PDGFRA: variants seen among roughly 807,000 people sequenced by gnomAD.
PDGFRA encodes the protein platelet derived growth factor receptor alpha, also known as platelet-derived growth factor receptor alpha.
Under a neutral mutation model 121.5 loss-of-function variants are expected in PDGFRA, and 25 were observed. The ratio of observed to expected loss-of-function variants is 0.21; its 90% CI spans 0.15 to 0.29. PDGFRA has a LOEUF of 0.29. Ranked by LOEUF, PDGFRA falls within the 10% of genes least tolerant of loss-of-function variation. The probability of loss-of-function intolerance (pLI) is 1.00; values close to 1 mark genes in which losing one functional copy is unlikely to be tolerated. For synonymous variants in PDGFRA, 463 were observed against 494.8 expected (o/e 0.94, Z 0.85); for missense variants, 1,008 against 1,345.1 (o/e 0.75, Z 3.92).
intron 16 of PDGFRA, among the ~76,000 whole-genome samples, chr4:54,283,033 C>G (rs1166990315): frequency 6.6e-6 from 1 of 152,180 alleles, no homozygotes; most frequent in Non-Finnish European, 1.5e-5. Context: ...GGGTTTAGCC[C>G]CTGCAGCTGC....
At position 54,288,824 on chromosome 4, in the gene PDGFRA, G is replaced by A. The variant is rs2110344493; in HGVS notation, c.2700G>A (p.Met900Ile). The change falls in exon 20 of 23, where the codon ATG becomes ATA. Residue 900 changes from methionine (M) to isoleucine (I), a missense_variant. Physicochemically the swap from Met to Ile is conservative, Grantham distance 10 (BLOSUM62 1). This residue lies in a region of PDGFRA where 204 missense variants were observed against 243.0 expected (regional missense o/e 0.84). Transcript: ENST00000257290. ...GTGGCACCCCTTACCCCGGCATGAT[G>A]GTGGATTCTACTTTCTACAATAAGA... ...SLGGTPYPGM[M>I]VDSTFYNKIK... The A allele has an allele frequency of 1.2e-6, 2 of 1,612,830 alleles. No homozygotes were observed. The highest frequency in any genetic ancestry group is 2.2e-5 in the South Asian group (2 of 91,054).
At position 54,270,662 on chromosome 4, in the gene PDGFRA, C is replaced by T. The variant is rs1577719527; in HGVS notation, c.1151C>T (p.Ala384Val). Residue 384 changes from alanine (A) to valine (V), a missense_variant, in exon 8 of 23, where the codon GCT (alanine) becomes GTT (valine). By Grantham distance (64) the Ala-to-Val change is moderately conservative. This residue lies in a region of PDGFRA where 575 missense variants were observed against 701.8 expected (regional missense o/e 0.82). Transcript: ENST00000257290. ...CGAAGCAAATTAAAGCTGATCCGTGCTAAGGAAGAAGACAGTGGCCATTAT... is the reference window on the plus strand; with the variant it reads ...CGAAGCAAATTAAAGCTGATCCGTGTTAAGGAAGAAGACAGTGGCCATTAT... ...RYRSKLKLIR[A>V]KEEDSGHYTI... 2 of 1,611,276 alleles carry T rather than the reference C, an allele frequency of 1.2e-6. No individual in the cohort carries two copies. Among genetic ancestry groups the T allele is most frequent in the East Asian group, 4.5e-5 (2 of 44,860 alleles).
rs576592961 is a variant in PDGFRA, at chr4:54,264,959, C to T, written c.669C>T (p.Thr223=). The change falls in exon 5 of 23, where the codon ACC becomes ACT. Residue 223 remains threonine, a synonymous_variant. Transcript: ENST00000257290. ...ELDLEMEALK[T]VYKSGETIVV... is the part of the protein sequence containing the mutation. ...ATCTAGAAATGGAAGCTCTTAAAAC[C>T]GTGTATAAGTCAGGGGAAACGATTG... 1.1e-4 allele frequency: 172 copies of T among 1,612,984 alleles called. No individual in the cohort carries two copies. The highest frequency in any genetic ancestry group is 1.3e-4 in the Non-Finnish European group (159 of 1,179,256).
At chr4:54,271,351 G>A (rs993239545) in intron 8 of PDGFRA, among the ~76,000 whole-genome samples, 2 of 152,142 alleles carry the variant, frequency 1.3e-5, no homozygotes, top group Non-Finnish European at 1.5e-5. Context: ...AAGCAACACC[G>A]TATATCTAAT....
At position 54,264,750 on chromosome 4, in the gene PDGFRA, C is replaced by T. The variant is rs78684235; in HGVS notation, c.629-169C>T. ...TATAACTATATGCCTAATTGTTGTA[C>T]ACCATCTCACAATCAAGCCTTGTGA... On this transcript the variant is annotated intron_variant, in intron 4 of 22. Coordinates refer to ENST00000257290, the MANE Select transcript of PDGFRA (RefSeq NM_006206.6). The T allele has an allele frequency of 3.5e-3, 2,108 of 599,738 alleles. 4 individuals are homozygous for T. Among genetic ancestry groups the T allele is most frequent in the Non-Finnish European group, 4.1e-3 (1,398 of 339,352 alleles). 37.2% of individuals were successfully genotyped at this position (599,738 alleles called of 1,614,324 possible).
chr4:54,260,430 A>T, intron 2 of PDGFRA, among the ~76,000 whole-genome samples: 1 of 107,664 alleles, frequency 9.3e-6, no homozygotes, highest in African/African-American at 4.1e-5. Flanking sequence ...TTTTTTTGAG[A>T]CAGGGTCTCT....
chr4:54,276,324 C>T (rs530398740), intron 12 of PDGFRA, among the ~76,000 whole-genome samples: 1 of 146,602 alleles, frequency 6.8e-6, no homozygotes, highest in Admixed American at 6.6e-5. Flanking sequence ...GTTTCAGAGA[C>T]ACTGATTCGA....
chr4:54,249,335 G>A (rs1039184248), intron 1 of PDGFRA, among the ~76,000 whole-genome samples: 79 of 152,260 alleles, frequency 5.2e-4, no homozygotes, highest in Non-Finnish European at 8.8e-4. Flanking sequence ...ACATGCACAC[G>A]TATGTTTATT....
At chr4:54,290,665 C>A in intron 22 of PDGFRA, 111 bp downstream of exon 22, 2 of 1,251,864 alleles carry the variant, frequency 1.6e-6, no homozygotes, top group East Asian at 2.3e-5. Flanking sequence ...AATATGTACT[C>A]AGGGACAAGT....
At position 54,285,458 on chromosome 4, in the gene PDGFRA, G is replaced by A. The variant is rs571523023; in HGVS notation, c.2411G>A (p.Arg804Gln). 2.4e-5 allele frequency: 38 copies of A among 1,554,330 alleles called. No individual in the cohort carries two copies. In the South Asian group the frequency reaches 2.7e-4, roughly 11 times the overall value. ...DLLSFTYQVA[R>Q]GMEFLASKNC... ...TTGAGCTTCACCTATCAAGTTGCCC[G>A]AGGAATGGAGTTTTTGGCTTCAAAA... The change falls in exon 17 of 23, where the codon CGA (arginine) becomes CAA (glutamine). Residue 804 changes from arginine (R) to glutamine (Q), a missense_variant. By Grantham distance (43) the Arg-to-Gln change is conservative. Transcript: ENST00000257290.
chr4:54,278,301 A>G (rs2110314086), intron 14 of PDGFRA, 61 bp from the exon 15 acceptor site: 1 of 1,412,326 alleles, frequency 7.1e-7, no homozygotes, highest in South Asian at 1.1e-5. Context: ...CTGCAGGACA[A>G]TTCATGGCTT....
At position 54,285,557 on chromosome 4, in the gene PDGFRA, A is replaced by G. The variant is rs578070880; in HGVS notation, c.2439+71A>G. 1.5e-4 allele frequency: 116 copies of G among 797,742 alleles called. 2 individuals carry two copies. The South Asian group carries it at 1.5e-3, about 10-fold the overall frequency. 49.4% of individuals were successfully genotyped at this position (797,742 alleles called of 1,614,324 possible). A position where few individuals can be genotyped will look rare whatever the true frequency, so the allele number is the denominator to read the frequency against. ...GTGGAGTGTGGACGGAGATGCTAGG[A>G]GATAGATGTTGGAAAGGCCATTAAT... On this transcript the variant is annotated intron_variant, in intron 17 of 22. Transcript: ENST00000257290.
intron 21 of PDGFRA, among the ~76,000 whole-genome samples, chr4:54,289,772 T>C (rs891236726): frequency 3.3e-5 from 5 of 152,202 alleles, no homozygotes; most frequent in Non-Finnish European, 7.3e-5. Context: ...GTTAATTATC[T>C]CACTGCCCAC....
chr4:54,263,729 G>T lies in PDGFRA; in HGVS notation c.430G>T (p.Asp144Tyr), dbSNP rs376497743. The part of the protein sequence containing the change: ...TDYLVIVEDD[D>Y]SAIIPCRTTD... ...TTATTTAGTCATCGTGGAGGATGATGATTCTGCCATTATACCTTGTCGCAC... is the reference window on the plus strand; with the variant it reads ...TTATTTAGTCATCGTGGAGGATGATTATTCTGCCATTATACCTTGTCGCAC... The change falls in exon 4 of 23, where the codon GAT becomes TAT. Residue 144 changes from aspartate (D) to tyrosine (Y), a missense_variant. Transcript: ENST00000257290. 1.9e-6 allele frequency: 3 copies of T among 1,613,750 alleles called. No individual in the cohort carries two copies. In the African/African-American group the frequency reaches 4.0e-5, roughly 22 times the overall value.
Position 54,296,521 on chromosome 4 carries a change from C to T in PDGFRA, c.*1249C>T, listed in dbSNP as rs777258903. On this transcript the variant is annotated 3_prime_UTR_variant, in exon 23 of 23. Coordinates refer to ENST00000257290, the MANE Select transcript of PDGFRA (RefSeq NM_006206.6). ...CCCCAAAGAGAAAGAGTTTGAAACT[C>T]GAGACCATAAAGATATTCTTTAGTG... The T allele has an allele frequency of 3.0e-4, 70 of 232,632 alleles. No homozygotes were observed. The highest frequency in any genetic ancestry group is 5.1e-4 in the Non-Finnish European group (60 of 117,780). The allele number at this position is 232,632 out of a possible 1,614,324, so 14.4% of individuals were successfully genotyped here. A position where few individuals can be genotyped will look rare whatever the true frequency, so the allele number is the denominator to read the frequency against.
At chr4:54,234,156 C>G (rs1043151183) in intron 1 of PDGFRA, among the ~76,000 whole-genome samples, 2 of 152,088 alleles carry the variant, frequency 1.3e-5, no homozygotes, top group Non-Finnish European at 2.9e-5. Context: ...CCCGGCGCAC[C>G]AGCTCCCGGT....
intron 1 of PDGFRA, among the ~76,000 whole-genome samples, chr4:54,246,930 A>G (rs1721710875): frequency 6.6e-6 from 1 of 152,212 alleles, no homozygotes; most frequent in African/African-American, 2.4e-5. Context: ...ATCAGAGAAT[A>G]CCACAAACAC....
Position 54,285,974 on chromosome 4 carries a change from A to G in PDGFRA, c.2562+11A>G, listed in dbSNP as rs1448799811. 2 of 1,613,486 alleles carry G rather than the reference A, an allele frequency of 1.2e-6. No homozygotes were observed. Among genetic ancestry groups the G allele is most frequent in the Non-Finnish European group, 1.7e-6 (2 of 1,179,452 alleles). On this transcript the variant is annotated intron_variant, in intron 18 of 22. Coordinates refer to ENST00000257290, the MANE Select transcript of PDGFRA (RefSeq NM_006206.6). ...GTGTCGAAAGGCAGTGTACGTCCTC[A>G]CTTCCCTCACTGGTCAGGCTCATCC...
chr4:54,286,725 T>C (rs1389872302), intron 18 of PDGFRA, among the ~76,000 whole-genome samples: 1 of 152,160 alleles, frequency 6.6e-6, no homozygotes, highest in Non-Finnish European at 1.5e-5. Flanking sequence ...GATGGTGTCT[T>C]TACATTTTAA....
Sources: gnomAD v4.1 joint callset for allele counts (sites outside exome capture counted in the v4.1 genomes callset) on GRCh38, gnomAD v4.1.1 for gene constraint, gnomAD v4.1.1 regional missense constraint, MANE v1.5 for transcripts, NCBI Gene and HGNC (gene_info 2026-07-23, HGNC 2026-07-21) for gene names.